CPVL: variants seen among roughly 807,000 people sequenced by gnomAD.
CPVL encodes carboxypeptidase vitellogenic like.
Under a neutral mutation model 63.7 loss-of-function variants are expected in CPVL, and 51 were observed. The observed-to-expected ratio is 0.80, with a 90% CI of 0.64 to 1.01. The LOEUF is 1.01. CPVL is among the 50% of genes least tolerant of loss of function. The pLI, the probability that CPVL is intolerant of heterozygous loss-of-function variation, is 0.00. For missense variants in CPVL, 530 were observed against 573.1 expected (o/e 0.92, Z 0.77); for synonymous variants, 195 against 206.0 (o/e 0.95, Z 0.46).
intron 5 of CPVL, among the ~76,000 whole-genome samples, chr7:29,164,779 C>CAAAA (rs55742522): frequency 1.7e-4 from 15 of 85,860 alleles, no homozygotes; most frequent in South Asian, 4.5e-4. Context: ...AGACCTGTCT[C>CAAAA]AAAAAAAAAA....
chr7:29,054,779 A>G (rs535889971), intron 11 of CPVL, among the ~76,000 whole-genome samples: 3 of 152,082 alleles, frequency 2.0e-5, no homozygotes, highest in African/African-American at 7.2e-5. Flanking sequence ...ATGCCTCTTA[A>G]TCTCCCTTCA....
chr7:29,091,409 TGGGGGCGGGGAGTA>T (rs763626341), intron 6 of CPVL, among the ~76,000 whole-genome samples: 2 of 105,514 alleles, frequency 1.9e-5, no homozygotes, highest in Non-Finnish European at 3.9e-5. Context: ...GGATGGGAGG[TGGGGGCGGGGAGTA>T]GGTTTCTAAT....
chr7:29,084,702 A>G (rs1785044739), intron 7 of CPVL, among the ~76,000 whole-genome samples: 1 of 152,238 alleles, frequency 6.6e-6, no homozygotes, highest in Admixed American at 6.5e-5. Flanking sequence ...CAACATAGAC[A>G]AATGAATGTA....
intron 12 of CPVL, chr7:29,010,314 C>A (rs2128134138): frequency 6.6e-6 from 1 of 151,298 alleles, no homozygotes; most frequent in Admixed American, 6.6e-5. Flanking sequence ...AATGTAAGCT[C>A]CTATATTTCC....
chr7:29,119,649 A>T (rs1006123443), intron 2 of CPVL, among the ~76,000 whole-genome samples: 1 of 152,222 alleles, frequency 6.6e-6, no homozygotes, highest in Non-Finnish European at 1.5e-5. Context: ...CAACTTATAG[A>T]GTACAAAAGA....
chr7:29,034,113 A>T (rs1361116955), intron 11 of CPVL, among the ~76,000 whole-genome samples: 2 of 151,692 alleles, frequency 1.3e-5, no homozygotes, highest in Non-Finnish European at 2.9e-5. Flanking sequence ...CTTTTTTTAA[A>T]TTTTTTTTAA....
At chr7:29,022,347 AC>A (rs1169055288) in intron 12 of CPVL, among the ~76,000 whole-genome samples, 1 of 151,710 alleles carries the variant, frequency 6.6e-6, no homozygotes, top group Non-Finnish European at 1.5e-5. Flanking sequence ...CCGACCTACC[AC>A]CCCCACTGCC....
intron 1 of CPVL, among the ~76,000 whole-genome samples, chr7:29,136,676 AG>A: frequency 6.6e-6 from 1 of 152,320 alleles, no homozygotes; most frequent in East Asian, 1.9e-4. Context: ...GGTGGGGAGA[AG>A]AAGACTAAAA....
rs1787942088 is a variant in CPVL, at chr7:29,030,722, G to A, written c.1175C>T (p.Ala392Val). 2 of 1,612,218 alleles carry A rather than the reference G, an allele frequency of 1.2e-6. No homozygotes were observed. The highest frequency in any genetic ancestry group is 1.1e-5 in the South Asian group (1 of 90,710). ...CAAGGAGCGCTCTGTCAGGGCAGCT[G>A]CCACGATGATGTCCAGTTGGCCATT... ...IYNGQLDIIV[A>V]AALTERSLMG... is the part of the protein sequence containing the mutation. Residue 392 changes from alanine (A) to valine (V), a missense_variant, in exon 12 of 13, where the codon GCA becomes GTA. Ala to Val is a moderately conservative substitution (Grantham distance 64). Transcript: ENST00000265394.
chr7:28,995,942 A>G (rs943518947), intron 12 of CPVL, 60 bp from the exon 13 acceptor site: 19 of 963,674 alleles, frequency 2.0e-5, no homozygotes, highest in Non-Finnish European at 2.7e-5. Context: ...AAATACATGG[A>G]AAGTTTTCAT....
intron 4 of CPVL, among the ~76,000 whole-genome samples, chr7:29,182,393 GAC>G (rs10586348): frequency 0.12 from 18,029 of 152,142 alleles, 1,216 homozygotes; most frequent in East Asian, 0.23. Context: ...ATTGTGATAT[GAC>G]ACATAGAGTG....
intron 12 of CPVL, among the ~76,000 whole-genome samples, chr7:28,999,372 A>G (rs371451784): frequency 1.2e-4 from 19 of 152,336 alleles, no homozygotes; most frequent in African/African-American, 4.3e-4. Flanking sequence ...TTCCAAAGCA[A>G]TGCTGATGCT....
At chr7:29,056,902 A>G (rs910940832) in intron 11 of CPVL, among the ~76,000 whole-genome samples, 2 of 148,384 alleles carry the variant, frequency 1.3e-5, no homozygotes, top group Admixed American at 6.7e-5. Context: ...CATGGCTTTA[A>G]TTTGTAATAC....
In CPVL at chr7:29,070,362, C is replaced by T. The variant is rs557766249; in HGVS notation, c.864+1411G>A. Reference sequence around the variant, plus strand: ...TTTCTAAATATGGGCCTCTCAAATGCTCTTGCTCTTGACAATTGCTTTATC... The same window carrying T: ...TTTCTAAATATGGGCCTCTCAAATGTTCTTGCTCTTGACAATTGCTTTATC... On this transcript the variant is annotated intron_variant, in intron 9 of 12. Transcript: ENST00000265394. Among the ~76,000 whole-genome samples, 7 of 152,292 alleles carry T rather than the reference C, an allele frequency of 4.6e-5. No individual in the cohort carries two copies. The South Asian group carries it at 1.2e-3, about 27-fold the overall frequency.
At chr7:29,060,828 T>C (rs1350280591) in intron 11 of CPVL, among the ~76,000 whole-genome samples, 2 of 152,200 alleles carry the variant, frequency 1.3e-5, no homozygotes, top group Non-Finnish European at 2.9e-5. Flanking sequence ...CTATTTTCTA[T>C]GACAAATTAG....
intron 5 of CPVL, among the ~76,000 whole-genome samples, chr7:29,161,826 A>G (rs888411169): frequency 1.3e-5 from 2 of 152,262 alleles, no homozygotes; most frequent in Non-Finnish European, 2.9e-5. Flanking sequence ...TCTAAAGTCA[A>G]CAGTGAGAAA....
chr7:29,118,819 C>T (rs957261545), intron 2 of CPVL, among the ~76,000 whole-genome samples: 3 of 152,222 alleles, frequency 2.0e-5, no homozygotes, highest in Non-Finnish European at 4.4e-5. Context: ...ATTCCCATCA[C>T]ATCTGCCAAC....
intron 11 of CPVL, among the ~76,000 whole-genome samples, chr7:29,056,345 T>C (rs1790729842): frequency 6.6e-6 from 1 of 152,232 alleles, no homozygotes; most frequent in Non-Finnish European, 1.5e-5. Context: ...CTCTGCCTAT[T>C]GATCCCTCCC....
At chr7:29,049,877 A>G (rs1455431937) in intron 11 of CPVL, among the ~76,000 whole-genome samples, 1 of 152,232 alleles carries the variant, frequency 6.6e-6, no homozygotes, top group Non-Finnish European at 1.5e-5. Flanking sequence ...ACAAATCAAT[A>G]AATGTGATAC....
Sources: gnomAD v4.1 joint callset for allele counts (sites outside exome capture counted in the v4.1 genomes callset) on GRCh38, gnomAD v4.1.1 for gene constraint, MANE v1.5 for transcripts, NCBI Gene and HGNC (gene_info 2026-07-23, HGNC 2026-07-21) for gene names.